TOM1L2: variants seen among roughly 807,000 people sequenced by gnomAD.
The protein encoded by TOM1L2 is TOM1-like protein 2.
In TOM1L2, 31 loss-of-function variants were observed where a neutral mutation model predicts 67.9. That is an observed-to-expected ratio of 0.46 (90% CI 0.34 to 0.62). The LOEUF is 0.62. Among genes scored for constraint, TOM1L2 ranks in the 20% least tolerant of loss-of-function variants. The pLI, the probability that TOM1L2 is intolerant of heterozygous loss-of-function variation, is 0.01. For synonymous variants in TOM1L2, 256 were observed against 254.0 expected (o/e 1.01, Z -0.07); for missense variants, 606 against 663.5 (o/e 0.91, Z 0.95).
intron 1 of TOM1L2, among the ~76,000 whole-genome samples, chr17:17,963,067 A>C (rs1318783894): frequency 6.6e-6 from 1 of 152,272 alleles, no homozygotes; most frequent in East Asian, 1.9e-4. Context: ...TAAATGATGT[A>C]AAACATAACA....
chr17:17,959,251 T>C (rs2069940450), intron 1 of TOM1L2, among the ~76,000 whole-genome samples: 1 of 152,178 alleles, frequency 6.6e-6, no homozygotes, highest in South Asian at 2.1e-4. Flanking sequence ...GGGGCAGTCT[T>C]GTGGGACTGA....
Position 17,866,431 on chromosome 17 carries a change from T to A in TOM1L2, c.961-12A>T. Reference sequence around the variant, plus strand: ...ACTTCATTCAGTACCTGTCAGAACATGAGATTGGCCATAAGCCCCAGAACC... The same window carrying A: ...ACTTCATTCAGTACCTGTCAGAACAAGAGATTGGCCATAAGCCCCAGAACC... On this transcript the variant is annotated splice_polypyrimidine_tract_variant and intron_variant, in intron 9 of 14. Transcript: ENST00000379504. 6.3e-7 allele frequency: 1 copy of A among 1,585,356 alleles called. No homozygotes were observed.
intron 2 of TOM1L2, among the ~76,000 whole-genome samples, chr17:17,904,054 A>G (rs965195784): frequency 6.6e-6 from 1 of 152,140 alleles, no homozygotes; most frequent in Non-Finnish European, 1.5e-5. Flanking sequence ...GCTGGTCTCA[A>G]ACACCTAGGC....
rs115071927 is a variant in TOM1L2 at position 17,946,383 on chromosome 17, A to C, written c.52+25879T>G. On this transcript the variant is annotated intron_variant, in intron 1 of 14. Transcript: ENST00000379504. ...AGTCACTTCCCATTCCCCCTCTCCC[A>C]GCCTCCTACAACCACTAATCTGCCT... Among the ~76,000 whole-genome samples, 402 of 152,242 alleles carry C rather than the reference A, an allele frequency of 2.6e-3. 3 individuals are homozygous for C. Among genetic ancestry groups the C allele is most frequent in the African/African-American group, 9.3e-3 (386 of 41,552 alleles).
At chr17:17,959,265 C>T (rs2041592386) in intron 1 of TOM1L2, among the ~76,000 whole-genome samples, 1 of 152,154 alleles carries the variant, frequency 6.6e-6, no homozygotes, top group African/African-American at 2.4e-5. Context: ...GGACTGAGCC[C>T]TTAACCTCTG....
At chr17:17,918,443 T>C (rs1483699062) in intron 1 of TOM1L2, among the ~76,000 whole-genome samples, 1 of 152,152 alleles carries the variant, frequency 6.6e-6, no homozygotes, top group Admixed American at 6.5e-5. Context: ...GTTGCGCCTA[T>C]ATATATTTTT....
intron 1 of TOM1L2, among the ~76,000 whole-genome samples, chr17:17,924,364 T>A (rs961556040): frequency 4.6e-5 from 7 of 152,112 alleles, no homozygotes; most frequent in South Asian, 2.1e-4. Flanking sequence ...CAATGTTTTT[T>A]AAAAAAAACT....
chr17:17,959,848 T>C (rs951145815), intron 1 of TOM1L2, among the ~76,000 whole-genome samples: 2 of 152,240 alleles, frequency 1.3e-5, no homozygotes, highest in African/African-American at 4.8e-5. Flanking sequence ...TTATGCTTCA[T>C]TAATGATTAA....
At chr17:17,971,878 C>T (rs375646820) in intron 1 of TOM1L2, among the ~76,000 whole-genome samples, 3 of 152,170 alleles carry the variant, frequency 2.0e-5, no homozygotes, top group African/African-American at 7.2e-5. Flanking sequence ...GGCACCAGTG[C>T]CCGGGAGGAG....
At chr17:17,881,966 T>C (rs1171630170) in intron 6 of TOM1L2, among the ~76,000 whole-genome samples, 1 of 152,238 alleles carries the variant, frequency 6.6e-6, no homozygotes, top group African/African-American at 2.4e-5. Context: ...GGAGAGTTTT[T>C]TTTTCCCCCA....
At chr17:17,890,495 C>G in intron 4 of TOM1L2, among the ~76,000 whole-genome samples, 1 of 152,168 alleles carries the variant, frequency 6.6e-6, no homozygotes, top group Non-Finnish European at 1.5e-5. Flanking sequence ...CACAGTACCC[C>G]CAAACTGCAA....
chr17:17,947,680 A>G (rs1038614719), intron 1 of TOM1L2, among the ~76,000 whole-genome samples: 1 of 152,194 alleles, frequency 6.6e-6, no homozygotes, highest in African/African-American at 2.4e-5. Context: ...CAAACGTCTC[A>G]TTTAATGCCC....
rs115137474 is a variant in TOM1L2 at position 17,956,802 on chromosome 17, G to A, written c.52+15460C>T. 8.3e-3 allele frequency among the ~76,000 whole-genome samples: 1,266 copies of A among 152,280 alleles called. 24 individuals carry two copies. Among genetic ancestry groups the A allele is most frequent in the African/African-American group, 0.028 (1,168 of 41,554 alleles). ...CTGAGCTCACGCCCACCCAGAACTC[G>A]CGCTGGCCCGCAAGCGCCACGCGCA... On this transcript the variant is annotated intron_variant, in intron 1 of 14. Coordinates refer to ENST00000379504, the MANE Select transcript of TOM1L2 (RefSeq NM_001082968.2).
intron 10 of TOM1L2, 81 bp from the exon 11 acceptor site, chr17:17,862,929 G>A: frequency 2.4e-5 from 12 of 508,320 alleles, no homozygotes; most frequent in Non-Finnish European, 3.7e-5. Flanking sequence ...AAGCTAGGAC[G>A]CCAGCCAGGT....
chr17:17,887,865 G>T (rs1479458943), intron 4 of TOM1L2, among the ~76,000 whole-genome samples: 1 of 152,200 alleles, frequency 6.6e-6, no homozygotes, highest in East Asian at 1.9e-4. Flanking sequence ...ACTGAATTCA[G>T]TTCTCACAGT....
chr17:17,865,139 T>C (rs1471914117), intron 10 of TOM1L2, among the ~76,000 whole-genome samples: 1 of 152,242 alleles, frequency 6.6e-6, no homozygotes, highest in Non-Finnish European at 1.5e-5. Context: ...ACAAACTAAA[T>C]GAACTGTGGA....
rs1598159361 is a variant in TOM1L2, at chr17:17,846,552, A to C, written c.*1083T>G. Reference sequence around the variant, plus strand: ...GCCAGAGGACCTCTGAGGTGGGAGGAGGCCAGACTGTCAGGAGAGTCTGTG... The same window carrying C: ...GCCAGAGGACCTCTGAGGTGGGAGGCGGCCAGACTGTCAGGAGAGTCTGTG... On this transcript the variant is annotated 3_prime_UTR_variant, in exon 15 of 15. Coordinates refer to ENST00000379504, the MANE Select transcript of TOM1L2 (RefSeq NM_001082968.2). 6.5e-6 allele frequency: 1 copy of C among 152,690 alleles called. No individual in the cohort carries two copies. Among genetic ancestry groups the C allele is most frequent in the South Asian group, 2.1e-4 (1 of 4,834 alleles). The allele number at this position is 152,690 out of a possible 1,614,324, so 9.5% of individuals were successfully genotyped here.
chr17:17,926,447 T>C (rs1173473834), intron 1 of TOM1L2, among the ~76,000 whole-genome samples: 1 of 152,164 alleles, frequency 6.6e-6, no homozygotes, highest in East Asian at 1.9e-4. Context: ...TACACGTGTT[T>C]CACATTCCAA....
chr17:17,877,159 G>T (rs2037465814), intron 7 of TOM1L2, among the ~76,000 whole-genome samples: 1 of 152,204 alleles, frequency 6.6e-6, no homozygotes, highest in Admixed American at 6.5e-5. Flanking sequence ...CTTCCCTGCT[G>T]CTCTTGCTTC....
Sources: gnomAD v4.1 joint callset for allele counts (sites outside exome capture counted in the v4.1 genomes callset) on GRCh38, gnomAD v4.1.1 for gene constraint, MANE v1.5 for transcripts, NCBI Gene and HGNC (gene_info 2026-07-23, HGNC 2026-07-21) for gene names.